TAFA2: variants seen among roughly 807,000 people sequenced by gnomAD.
TAFA2 encodes the protein TAFA chemokine like family member 2.
Under a neutral mutation model 18.8 loss-of-function variants are expected in TAFA2, and 7 were observed. The observed-to-expected ratio is 0.37, with a 90% CI of 0.21 to 0.70. The LOEUF is 0.70. Ranked by LOEUF, TAFA2 falls within the 30% of genes least tolerant of loss-of-function variation. TAFA2 has a pLI of 0.53. For missense variants in TAFA2, 122 were observed against 158.1 expected, an observed-to-expected ratio of 0.77 and a Z score of 1.23; for synonymous variants, 60 against 54.2, an observed-to-expected ratio of 1.11 and a Z score of -0.47.
intron 1 of TAFA2, among the ~76,000 whole-genome samples, chr12:62,126,351 G>A (rs1200265505): frequency 6.6e-6 from 1 of 152,030 alleles, no homozygotes; most frequent in Non-Finnish European, 1.5e-5. Context: ...TCCCATTTCT[G>A]CACTTTCCAA....
chr12:62,021,616 C>G (rs892031714), intron 1 of TAFA2: 1 of 1,099,326 alleles, frequency 9.1e-7, no homozygotes, highest in Admixed American at 1.7e-5. Context: ...TGGCTTCCCA[C>G]CCTTCTGTTC....
At position 61,846,440 on chromosome 12, in the gene TAFA2, T is replaced by C. The variant is rs188072631; in HGVS notation, c.106+20880A>G. 4.7e-4 allele frequency among the ~76,000 whole-genome samples: 71 copies of C among 152,248 alleles called. 1 individual carries two copies. Among genetic ancestry groups the C allele is most frequent in the Non-Finnish European group, 7.6e-4 (52 of 68,004 alleles). On this transcript the variant is annotated intron_variant, in intron 2 of 4. Transcript: ENST00000416284. ...TGAGTGATAATCATTCTAGTACTTCTACCAAAGTGATACAGCATTCTCACT... is the reference window on the plus strand; with the variant it reads ...TGAGTGATAATCATTCTAGTACTTCCACCAAAGTGATACAGCATTCTCACT...
chr12:61,710,710 A>AG (rs1332665503), intron 4 of TAFA2, among the ~76,000 whole-genome samples: 2 of 152,100 alleles, frequency 1.3e-5, no homozygotes, highest in Non-Finnish European at 2.9e-5. Context: ...TCACACCCAG[A>AG]GAGTGATTCT....
At chr12:62,163,834 A>G (rs996158235) in intron 1 of TAFA2, among the ~76,000 whole-genome samples, 3 of 152,156 alleles carry the variant, frequency 2.0e-5, no homozygotes, top group African/African-American at 7.2e-5. Flanking sequence ...AAAAATAGCC[A>G]TCAGCAATAA....
rs75099219 is a variant in TAFA2 at position 62,119,646 on chromosome 12, C to G, written c.-2+71613G>C. Among the ~76,000 whole-genome samples, 1,208 of 152,176 alleles carry G rather than the reference C, an allele frequency of 7.9e-3. 18 individuals are homozygous for G. Among genetic ancestry groups the G allele is most frequent in the African/African-American group, 0.028 (1,144 of 41,510 alleles). On this transcript the variant is annotated intron_variant, in intron 1 of 4. Coordinates refer to ENST00000416284, the MANE Select transcript of TAFA2 (RefSeq NM_178539.5). ...TAAATGAAACCGAATTAACCTGTAC[C>G]TTATAGATAAGTAGGTCACAAATGA... is the stretch of plus-strand genomic sequence containing the variant.
chr12:61,780,583 A>G (rs1870461396), intron 2 of TAFA2, among the ~76,000 whole-genome samples: 1 of 151,338 alleles, frequency 6.6e-6, no homozygotes, highest in African/African-American at 2.4e-5. Flanking sequence ...CTGGAGCCAT[A>G]TATCCCTTTG....
intron 2 of TAFA2, among the ~76,000 whole-genome samples, chr12:61,848,898 G>A (rs1565655271): frequency 6.6e-6 from 1 of 150,678 alleles, no homozygotes. Context: ...CTGGAGTGCA[G>A]TGGCACGTTC....
chr12:62,076,281 G>C (rs1868248457), intron 1 of TAFA2, among the ~76,000 whole-genome samples: 1 of 152,136 alleles, frequency 6.6e-6, no homozygotes. Flanking sequence ...AAATTTATTT[G>C]AAGTTTCTTT....
At chr12:61,758,581 T>G (rs1266074525) in intron 2 of TAFA2, among the ~76,000 whole-genome samples, 1 of 151,952 alleles carries the variant, frequency 6.6e-6, no homozygotes, top group Non-Finnish European at 1.5e-5. Flanking sequence ...TTCATCTATT[T>G]TTCCTAAGAA....
chr12:62,211,853 G>A (rs2062715716), intron 1 of TAFA2, among the ~76,000 whole-genome samples: 1 of 152,108 alleles, frequency 6.6e-6, no homozygotes, highest in South Asian at 2.1e-4. Flanking sequence ...ATATGTACTT[G>A]AGTTATTCAA....
chr12:62,025,927 G>A (rs758238080), intron 1 of TAFA2, among the ~76,000 whole-genome samples: 2 of 152,018 alleles, frequency 1.3e-5, no homozygotes, highest in Non-Finnish European at 2.9e-5. Context: ...AAATAAAGAA[G>A]TAGTCAAGAC....
At chr12:62,257,087 T>G (rs1287904055) in intron 1 of TAFA2, among the ~76,000 whole-genome samples, 1 of 150,498 alleles carries the variant, frequency 6.6e-6, no homozygotes, top group African/African-American at 2.5e-5. Context: ...CAGCCAGTCA[T>G]CAAACACTGT....
At chr12:62,169,701 A>C (rs1322252018) in intron 1 of TAFA2, among the ~76,000 whole-genome samples, 1 of 152,074 alleles carries the variant, frequency 6.6e-6, no homozygotes, top group Non-Finnish European at 1.5e-5. Context: ...AATACAAAAA[A>C]TTAGCCTGGC....
At chr12:61,938,778 C>A (rs950167012) in intron 1 of TAFA2, among the ~76,000 whole-genome samples, 2 of 151,998 alleles carry the variant, frequency 1.3e-5, no homozygotes, top group Admixed American at 1.3e-4. Flanking sequence ...GAGCTAGAGG[C>A]CATTATTCTA....
At chr12:61,734,874 C>T (rs1868278799) in intron 4 of TAFA2, among the ~76,000 whole-genome samples, 1 of 152,020 alleles carries the variant, frequency 6.6e-6, no homozygotes, top group African/African-American at 2.4e-5. Flanking sequence ...CCCCTTCTTT[C>T]CCTGTGCCAA....
intron 1 of TAFA2, among the ~76,000 whole-genome samples, chr12:62,071,712 G>T (rs1381885608): frequency 3.9e-5 from 6 of 152,180 alleles, no homozygotes. Flanking sequence ...GAGACAATTT[G>T]AGATAGCTTT....
chr12:62,144,260 C>G (rs1053678333), intron 1 of TAFA2, among the ~76,000 whole-genome samples: 4 of 152,044 alleles, frequency 2.6e-5, no homozygotes, highest in African/African-American at 9.7e-5. Flanking sequence ...AGAAACATCT[C>G]TGTCCAAAAT....
intron 1 of TAFA2, among the ~76,000 whole-genome samples, chr12:62,121,526 C>T (rs1490537666): frequency 1.3e-5 from 2 of 152,040 alleles, no homozygotes; most frequent in Non-Finnish European, 2.9e-5. Context: ...TAAACTATAA[C>T]GTGATCTAAA....
rs35014156 is a variant in TAFA2 at position 61,760,075 on chromosome 12, C to CTTTTTTTTTTTTTTTTTTTTTTTTTT, written c.107-5052_107-5051insAAAAAAAAAAAAAAAAAAAAAAAAAA. On this transcript the variant is annotated intron_variant, in intron 2 of 4. Coordinates refer to ENST00000416284, the MANE Select transcript of TAFA2 (RefSeq NM_178539.5). ...AGATGCAGGGCTTTCCTGCCCAGTG[C>CTTTTTTTTTTTTTTTTTTTTTTTTTT]TTTTTTTTTTTTTTTTCACTGCCTA... 1.5e-5 allele frequency among the ~76,000 whole-genome samples: 2 copies of CTTTTTTTTTTTTTTTTTTTTTTTTTT among 137,752 alleles called. 1 individual carries two copies. The highest frequency in any genetic ancestry group is 5.4e-5 in the African/African-American group (2 of 37,142). 90.4% of individuals were successfully genotyped at this position (137,752 alleles called of 152,430 possible). A position where few individuals can be genotyped will look rare whatever the true frequency, so the allele number is the denominator to read the frequency against.
Sources: gnomAD v4.1 joint callset for allele counts (sites outside exome capture counted in the v4.1 genomes callset) on GRCh38, gnomAD v4.1.1 for gene constraint, MANE v1.5 for transcripts, NCBI Gene and HGNC (gene_info 2026-07-23, HGNC 2026-07-21) for gene names.